OBP2B: variants seen among roughly 807,000 people sequenced by gnomAD.
OBP2B encodes the protein odorant-binding protein 2b.
A neutral mutation model predicts 21.7 loss-of-function variants in OBP2B; 10 were observed. The ratio of observed to expected loss-of-function variants is 0.46; its 90% confidence interval spans 0.28 to 0.78. OBP2B has a LOEUF of 0.78. Ranked by LOEUF, OBP2B falls within the 30% of genes least tolerant of loss-of-function variation. OBP2B has a pLI of 0.11. For synonymous variants in OBP2B, 73 were observed against 91.5 expected (o/e 0.80, Z 1.16); for missense variants, 153 against 217.7 (o/e 0.70, Z 1.87).
At chr9:133,210,616 A>T (rs1182339840), upstream of OBP2B, among the ~76,000 whole-genome samples, 1 of 152,254 alleles carries the variant, frequency 6.6e-6, no homozygotes, top group Non-Finnish European at 1.5e-5. Context: ...TGAATCATTG[A>T]TCTAAGCACC....
Position 133,206,323 on chromosome 9 carries a change from A to G in OBP2B, c.482T>C (p.Leu161Pro), listed in dbSNP as rs1433284754. 1.2e-6 allele frequency: 2 copies of G among 1,613,978 alleles called. No homozygotes were observed. Among genetic ancestry groups the G allele is most frequent in the South Asian group, 1.1e-5 (1 of 91,068 alleles). The change falls in exon 5 of 7, where the codon CTG becomes CCG. Residue 161 changes from leucine to proline, a missense_variant. Coordinates refer to ENST00000372034, the MANE Select transcript of OBP2B (RefSeq NM_014581.4). ...GGCACAGCCATCCTCACCCGTCTGC[A>G]GGGGCGTGAAAATGTCCTCCTCCGA... ...GLSEEDIFTP[L>P]QTGSCVPEH
upstream of OBP2B, among the ~76,000 whole-genome samples, chr9:133,211,235 C>G (rs17150306): frequency 0.028 from 4,219 of 152,298 alleles, 196 homozygotes; most frequent in African/African-American, 0.097. Context: ...TACGATGAAT[C>G]TCAGTTAAGG....
At chr9:133,208,693 CATG>C in intron 1 of OBP2B, 91 bp from the exon 2 acceptor site, 2 of 1,525,566 alleles carry the variant, frequency 1.3e-6, no homozygotes, top group Non-Finnish European at 1.8e-6. Context: ...ACCAGACACC[CATG>C]GTGCCCGGCT....
the OBP2B span, among the ~76,000 whole-genome samples, chr9:133,220,895 G>C: frequency 1.5e-4 from 23 of 152,326 alleles, no homozygotes; most frequent in African/African-American, 4.8e-4. Context: ...AACAGAAGTA[G>C]AAGAGGCTGT....
chr9:133,222,729 A>G, the OBP2B span, among the ~76,000 whole-genome samples: 145 of 152,030 alleles, frequency 9.5e-4, no homozygotes, highest in Non-Finnish European at 1.5e-3. Context: ...AGACTCCAAA[A>G]CAAAAAAAAA....
chr9:133,208,623 G>A, intron 1 of OBP2B, 21 bp from the exon 2 acceptor site: 3 of 1,584,694 alleles, frequency 1.9e-6, no homozygotes, highest in Non-Finnish European at 2.6e-6. Flanking sequence ...CCAAGGCCGT[G>A]AGCCCACCAT....
upstream of OBP2B, among the ~76,000 whole-genome samples, chr9:133,212,591 GC>G: frequency 1.3e-5 from 2 of 152,188 alleles, no homozygotes; most frequent in East Asian, 3.8e-4. Flanking sequence ...CAAAGAGGAA[GC>G]CTGAAGGTAA....
At chr9:133,214,618 G>T in the OBP2B span, among the ~76,000 whole-genome samples, 1 of 152,186 alleles carries the variant, frequency 6.6e-6, no homozygotes, top group Non-Finnish European at 1.5e-5. Flanking sequence ...GGAGGATTCT[G>T]CAGCTGGGTC....
the OBP2B span, among the ~76,000 whole-genome samples, chr9:133,216,356 C>T: frequency 1.7e-4 from 25 of 150,864 alleles, no homozygotes; most frequent in South Asian, 2.5e-3. Context: ...CAGTGAAATG[C>T]AAATAAAAGC....
upstream of OBP2B, among the ~76,000 whole-genome samples, chr9:133,209,893 C>T (rs545279480): frequency 1.3e-5 from 2 of 152,220 alleles, no homozygotes; most frequent in Admixed American, 6.5e-5. This position sits in a 1 kb window ranked among gnomAD's most constrained non-coding sequence, Gnocchi z 6.0. Flanking sequence ...CGCTTCACTC[C>T]GTACCGGAGC....
At chr9:133,208,321 C>T (rs1427564642) in intron 2 of OBP2B, 118 bp from the exon 3 acceptor site, 72 of 1,599,574 alleles carry the variant, frequency 4.5e-5, no homozygotes, top group Non-Finnish European at 6.1e-5. Flanking sequence ...CCCACCCCAC[C>T]GAGCTTCAGG....
Position 133,207,702 on chromosome 9 carries a change from C to T in OBP2B, c.278-366G>A, listed in dbSNP as rs1206942194. The T allele has an allele frequency of 1.3e-5, 7 of 552,830 alleles. No individual in the cohort carries two copies. The East Asian group carries it at 3.2e-4, about 25-fold the overall frequency. 34.2% of individuals were successfully genotyped at this position (552,830 alleles called of 1,614,324 possible). A position where few individuals can be genotyped will look rare whatever the true frequency, so the allele number is the denominator to read the frequency against. ...CCTCCCCATCCCTAACCCTCGGCCT[C>T]CTCATCCCTAACCCTCAGCTTCCCG... On this transcript the variant is annotated intron_variant, in intron 3 of 6. Transcript: ENST00000372034.
At chr9:133,210,722 G>T (rs1225563469), upstream of OBP2B, among the ~76,000 whole-genome samples, 3 of 152,190 alleles carry the variant, frequency 2.0e-5, no homozygotes, top group African/African-American at 7.2e-5. Flanking sequence ...TGAGGTCCAC[G>T]CTCAGTGCGA....
In OBP2B at chr9:133,208,148, C is replaced by T. The variant is rs781838972; in HGVS notation, c.262G>A (p.Gly88Ser). 72 of 1,611,356 alleles carry T rather than the reference C, an allele frequency of 4.5e-5. No homozygotes were observed. The highest frequency in any genetic ancestry group is 5.7e-5 in the Non-Finnish European group (67 of 1,179,736). ...KILMRKTEEP[G>S]KYSAYGGRKL... ...AGGGGCTCACAGGCGCTGTATTTGCCAGGCTCCTCCGTCTTCCGCATCAGG... is the reference window on the plus strand; with the variant it reads ...AGGGGCTCACAGGCGCTGTATTTGCTAGGCTCCTCCGTCTTCCGCATCAGG... The change falls in exon 3 of 7, where the codon GGC becomes AGC. Residue 88 changes from glycine (G) to serine (S), a missense_variant. By Grantham distance (56) the Gly-to-Ser change is moderately conservative. Transcript: ENST00000372034.
chr9:133,220,653 A>C, the OBP2B span, among the ~76,000 whole-genome samples: 1 of 147,180 alleles, frequency 6.8e-6, no homozygotes, highest in African/African-American at 2.5e-5. Flanking sequence ...TGTGTCCCCC[A>C]TGTGTAGACG....
chr9:133,209,963 G>T (rs2119405498), upstream of OBP2B, among the ~76,000 whole-genome samples: 1 of 152,294 alleles, frequency 6.6e-6, no homozygotes, highest in Admixed American at 6.5e-5. The surrounding 1 kb of genome is among the most constrained non-coding windows in gnomAD (Gnocchi z 6.0). Flanking sequence ...ATTTCTTCCT[G>T]CACGTATTCA....
chr9:133,207,848 T>C, intron 3 of OBP2B: 1 of 1,501,972 alleles, frequency 6.7e-7, no homozygotes, highest in Non-Finnish European at 8.9e-7. Context: ...ACCTAATCCT[T>C]GGCCTCCTTG....
chr9:133,207,058 A>G (rs1341617583), intron 4 of OBP2B, among the ~76,000 whole-genome samples, 168 bp downstream of exon 4: 17 of 152,024 alleles, frequency 1.1e-4, no homozygotes, highest in African/African-American at 3.6e-4. Context: ...GGCCCATCCC[A>G]TTCCCACTTC....
upstream of OBP2B, among the ~76,000 whole-genome samples, chr9:133,210,543 G>A (rs1365774421): frequency 6.6e-6 from 1 of 152,058 alleles, no homozygotes; most frequent in African/African-American, 2.4e-5. Flanking sequence ...CAACGGGAAG[G>A]TTTCTCTGTT....
Sources: gnomAD v4.1 joint callset for allele counts (sites outside exome capture counted in the v4.1 genomes callset) on GRCh38, gnomAD v4.1.1 for gene constraint, Gnocchi (gnomAD v3.1) non-coding constraint, MANE v1.5 for transcripts, NCBI Gene and HGNC (gene_info 2026-07-23, HGNC 2026-07-21) for gene names.